The following DPF3 variants were observed in gnomAD, a reference collection of about 807,000 sequenced individuals.
DPF3 encodes the protein double PHD fingers 3.
In DPF3, 18 loss-of-function variants were observed where a neutral mutation model predicts 56.8. The observed-to-expected ratio is 0.32, with a 90% CI of 0.22 to 0.47. The LOEUF (loss-of-function observed/expected upper bound fraction) is 0.47. Among genes scored for constraint, DPF3 ranks in the 20% least tolerant of loss-of-function variants. DPF3 has a pLI of 1.00. For missense variants in DPF3, 403 were observed against 488.8 expected, an observed-to-expected ratio of 0.82 and a Z score of 1.65; for synonymous variants, 188 against 180.2, an observed-to-expected ratio of 1.04 and a Z score of -0.35.
intron 8 of DPF3, among the ~76,000 whole-genome samples, chr14:72,635,330 G>A (rs1885354492): frequency 6.6e-6 from 1 of 152,200 alleles, no homozygotes; most frequent in Admixed American, 6.5e-5. Flanking sequence ...AGTAAAAAAG[G>A]AAAGGCAGGC....
intron 2 of DPF3, among the ~76,000 whole-genome samples, chr14:72,753,854 G>T (rs564692864): frequency 6.6e-6 from 1 of 152,192 alleles, no homozygotes; most frequent in East Asian, 1.9e-4. Context: ...TCTACTCAAA[G>T]GCGTCTCCCA....
intron 8 of DPF3, among the ~76,000 whole-genome samples, chr14:72,647,819 G>A (rs1013403537): frequency 1.8e-4 from 27 of 152,276 alleles, no homozygotes; most frequent in African/African-American, 4.8e-4. Context: ...ATCACGAGGA[G>A]GTGGCTAGCA....
intron 1 of DPF3, among the ~76,000 whole-genome samples, chr14:72,787,845 G>A (rs1892271958): frequency 6.6e-6 from 1 of 152,210 alleles, no homozygotes; most frequent in Non-Finnish European, 1.5e-5. Flanking sequence ...GAGCTGCTAA[G>A]GACAAGAGAG....
chr14:72,747,582 G>A (rs1890374458), intron 3 of DPF3, among the ~76,000 whole-genome samples: 1 of 148,466 alleles, frequency 6.7e-6, no homozygotes. Flanking sequence ...GAGGCCAGGA[G>A]TTTGCAACCA....
intron 6 of DPF3, among the ~76,000 whole-genome samples, chr14:72,703,780 GC>G (rs1327280307): frequency 4.6e-5 from 7 of 152,116 alleles, no homozygotes; most frequent in Non-Finnish European, 1.0e-4. Context: ...CCAGTGCCTG[GC>G]ACACAGCACA....
chr14:72,672,060 G>GAC (rs369762823), intron 8 of DPF3, among the ~76,000 whole-genome samples: 2,695 of 132,976 alleles, frequency 0.02, 39 homozygotes, highest in African/African-American at 0.04. Flanking sequence ...CACACACACA[G>GAC]ACACACACAC....
At chr14:72,683,205 T>C (rs1887237845) in intron 7 of DPF3, among the ~76,000 whole-genome samples, 2 of 151,634 alleles carry the variant, frequency 1.3e-5, no homozygotes, top group African/African-American at 2.4e-5. Context: ...TGCACACCTG[T>C]AATCCCAGCT....
intron 1 of DPF3, among the ~76,000 whole-genome samples, chr14:72,798,254 CAAAAAAAAAA>C (rs35648169): frequency 1.1e-4 from 6 of 53,904 alleles, no homozygotes; most frequent in Admixed American, 3.2e-4. Context: ...GCCTTCATCT[CAAAAAAAAAA>C]AAAAAAAAAA....
intron 1 of DPF3, among the ~76,000 whole-genome samples, chr14:72,875,017 C>T (rs1489602204): frequency 1.3e-5 from 2 of 152,166 alleles, no homozygotes; most frequent in Non-Finnish European, 2.9e-5. Context: ...AAAGACACTT[C>T]TTATATGGCA....
intron 1 of DPF3, among the ~76,000 whole-genome samples, chr14:72,890,679 C>T (rs907953019): frequency 6.6e-6 from 1 of 152,130 alleles, no homozygotes; most frequent in African/African-American, 2.4e-5. Flanking sequence ...AACTCTCATA[C>T]ATCTTTGCTC....
chr14:72,753,603 G>A (rs1393083279), intron 2 of DPF3, among the ~76,000 whole-genome samples: 2 of 152,142 alleles, frequency 1.3e-5, no homozygotes, highest in East Asian at 1.9e-4. Flanking sequence ...CCATGCCAAC[G>A]AGAGCCATTG....
chr14:72,688,152 T>TGATGGATGGATG (rs1208372778), intron 7 of DPF3, among the ~76,000 whole-genome samples: 251 of 104,508 alleles, frequency 2.4e-3, no homozygotes, highest in Middle Eastern at 8.8e-3. Context: ...ATGAGATGGA[T>TGATGGATGGATG]GATGGATGGA....
intron 7 of DPF3, among the ~76,000 whole-genome samples, chr14:72,684,746 T>C (rs1887332405): frequency 6.6e-6 from 1 of 152,092 alleles, no homozygotes. Context: ...GAAGAGTAAA[T>C]GTGCCTACTA....
chr14:72,707,405 G>T (rs1296579288), intron 6 of DPF3, among the ~76,000 whole-genome samples: 2 of 152,146 alleles, frequency 1.3e-5, no homozygotes, highest in East Asian at 3.8e-4. Flanking sequence ...TCACCACACT[G>T]ACTTCCACAG....
intron 1 of DPF3, 46 bp downstream of exon 1, chr14:72,894,011 C>T: frequency 6.3e-7 from 1 of 1,599,860 alleles, no homozygotes; most frequent in Admixed American, 1.8e-5. Context: ...CCTTTTTTTT[C>T]ATATTGAAAC....
chr14:72,823,413 C>T (rs542253643), intron 1 of DPF3, among the ~76,000 whole-genome samples: 1 of 152,208 alleles, frequency 6.6e-6, no homozygotes, highest in Non-Finnish European at 1.5e-5. Context: ...ACATGGCGGA[C>T]GCGTCCCATC....
chr14:72,846,156 G>A (rs1020441345), intron 1 of DPF3, among the ~76,000 whole-genome samples: 1 of 146,126 alleles, frequency 6.8e-6, no homozygotes, highest in African/African-American at 2.5e-5. Context: ...TGTCACCCAG[G>A]CCGGAATACA....
rs141160912 is a variant in DPF3 at position 72,612,465 on chromosome 14, C to A, written c.*6832G>T. 302 of 518,054 alleles carry A rather than the reference C, an allele frequency of 5.8e-4. 2 individuals carry two copies. In the East Asian group the frequency reaches 0.016, roughly 28 times the overall value. The allele number at this position is 518,054 out of a possible 1,614,324, so 32.1% of individuals were successfully genotyped here. On this transcript the variant is annotated 3_prime_UTR_variant, in exon 11 of 11. Transcript: ENST00000556509. ...TTCTAGTACCTAATTTAGGCTTCTT[C>A]AACTACATGTTGAAAATGTGCACGG...
At chr14:72,796,183 T>A (rs1892639988) in intron 1 of DPF3, among the ~76,000 whole-genome samples, 1 of 152,232 alleles carries the variant, frequency 6.6e-6, no homozygotes, top group Non-Finnish European at 1.5e-5. Context: ...AGAAAGTATG[T>A]AACTTATCTG....
Sources: allele counts gnomAD v4.1 joint callset (sites outside exome capture counted in the v4.1 genomes callset), GRCh38; gene constraint gnomAD v4.1.1; transcripts MANE v1.5; gene names NCBI Gene and HGNC (gene_info 2026-07-23, HGNC 2026-07-21).